The following PNPLA3 variants were observed in gnomAD, a reference collection of about 807,000 sequenced individuals.
PNPLA3 encodes the protein 1-acylglycerol-3-phosphate O-acyltransferase PNPLA3.
A neutral mutation model predicts 43.1 loss-of-function variants in PNPLA3; 42 were observed. The ratio of observed to expected loss-of-function variants is 0.97; its 90% confidence interval spans 0.76 to 1.26. The LOEUF is 1.26. Ranked by LOEUF, PNPLA3 falls within the 50% of genes most tolerant of loss-of-function variation. The pLI is 0.00. For missense variants in PNPLA3, 647 were observed against 621.4 expected, an observed-to-expected ratio of 1.04 and a Z score of -0.44; for synonymous variants, 272 against 253.6, an observed-to-expected ratio of 1.07 and a Z score of -0.69.
intron 7 of PNPLA3, among the ~76,000 whole-genome samples, chr22:43,941,352 G>A (rs981143446): frequency 2.7e-5 from 3 of 112,642 alleles, no homozygotes; most frequent in Middle Eastern, 9.1e-3. Flanking sequence ...GGGATGGGGG[G>A]TGGGGAGCAG....
In PNPLA3 at chr22:43,944,696, T is replaced by G. The variant is rs944454808; in HGVS notation, c.1118T>G (p.Val373Gly). ...ESAIAIVQRLVTWLPDMPDDV... is the reference protein window; with the variant it reads ...ESAIAIVQRLGTWLPDMPDDV... ...ACTTGGTCTCATCTCTGCAGACTGG[T>G]GACATGGCTTCCAGATATGCCCGAC... Residue 373 changes from valine (V) to glycine (G), a missense_variant, in exon 8 of 9, where the codon GTG (valine) becomes GGG (glycine). Val to Gly is a moderately radical substitution (Grantham distance 109). Coordinates refer to ENST00000216180, the MANE Select transcript of PNPLA3 (RefSeq NM_025225.3). 5.6e-6 allele frequency: 9 copies of G among 1,614,162 alleles called. No individual in the cohort carries two copies. Among genetic ancestry groups the G allele is most frequent in the Non-Finnish European group, 7.6e-6 (9 of 1,179,974 alleles).
At chr22:43,928,479 A>G (rs981163543) in intron 2 of PNPLA3, among the ~76,000 whole-genome samples, 15 of 152,038 alleles carry the variant, frequency 9.9e-5, no homozygotes, top group Non-Finnish European at 2.2e-4. Context: ...GATGCTAATG[A>G]ATACCGGCAT....
At chr22:43,924,156 G>A in intron 1 of PNPLA3, 58 bp downstream of exon 1, 1 of 1,400,186 alleles carries the variant, frequency 7.1e-7, no homozygotes, top group African/African-American at 1.5e-5. Context: ...CCTAGGCCGG[G>A]GAGCGGGGGA....
At chr22:43,937,538 G>T (rs1034432162) in intron 6 of PNPLA3, among the ~76,000 whole-genome samples, 1 of 152,158 alleles carries the variant, frequency 6.6e-6, no homozygotes, top group Admixed American at 6.5e-5. Context: ...GCCCCTTGGG[G>T]TTCCCCATAT....
rs755622820 is a variant in PNPLA3, at chr22:43,939,981, T to G, written c.980-12T>G. On this transcript the variant is annotated splice_polypyrimidine_tract_variant and intron_variant, in intron 6 of 8. Transcript: ENST00000216180. ...GTGGTGGGAGATAATAGCTCCAAAT[T>G]GTCTTTTTCAGCACTGAGTGAAGAA... The G allele has an allele frequency of 8.7e-6, 14 of 1,613,998 alleles. No homozygotes were observed. The highest frequency in any genetic ancestry group is 4.0e-5 in the African/African-American group (3 of 74,906).
rs574784517 is a variant in PNPLA3 at position 43,924,144 on chromosome 22, C to T, written c.187+46C>T. 78 of 1,435,734 alleles carry T rather than the reference C, an allele frequency of 5.4e-5. No individual in the cohort carries two copies. The African/African-American group carries it at 1.1e-3, about 20-fold the overall frequency. 88.9% of individuals were successfully genotyped at this position (1,435,734 alleles called of 1,614,324 possible). A position where few individuals can be genotyped will look rare whatever the true frequency, so the allele number is the denominator to read the frequency against. Reference sequence around the variant, plus strand: ...CGGGCTCCACGTGCGGAGTGGGTGCCCCCTAGGCCGGGGAGCGGGGGATCC... The same window carrying T: ...CGGGCTCCACGTGCGGAGTGGGTGCTCCCTAGGCCGGGGAGCGGGGGATCC... On this transcript the variant is annotated intron_variant, in intron 1 of 8. Coordinates refer to ENST00000216180, the MANE Select transcript of PNPLA3 (RefSeq NM_025225.3).
intron 7 of PNPLA3, among the ~76,000 whole-genome samples, chr22:43,942,080 G>A (rs945127490): frequency 2.0e-5 from 3 of 152,172 alleles, no homozygotes; most frequent in African/African-American, 4.8e-5. Context: ...GCTTCTGAAA[G>A]GGAGGGAATG....
intron 8 of PNPLA3, 93 bp downstream of exon 8, chr22:43,944,888 A>C: frequency 8.8e-7 from 1 of 1,135,136 alleles, no homozygotes; most frequent in Admixed American, 1.8e-5. Flanking sequence ...CTGGCTGAAC[A>C]CCAAGCAAGG....
At chr22:43,943,851 C>T (rs545701708) in intron 7 of PNPLA3, among the ~76,000 whole-genome samples, 21 of 152,132 alleles carry the variant, frequency 1.4e-4, no homozygotes, top group African/African-American at 3.6e-4. Flanking sequence ...TGCAATGTCG[C>T]GATCTCAGCT....
chr22:43,945,459 C>G (rs1471288004), intron 8 of PNPLA3, among the ~76,000 whole-genome samples: 2 of 152,196 alleles, frequency 1.3e-5, no homozygotes, highest in Non-Finnish European at 2.9e-5. Context: ...CCTCACTTGG[C>G]TAACAGGGGT....
In PNPLA3 at chr22:43,940,036, G is replaced by A. The variant is rs1309324178; in HGVS notation, c.1023G>A (p.Lys341=). The A allele has an allele frequency of 2.5e-6, 4 of 1,614,022 alleles. No individual in the cohort carries two copies. The highest frequency in any genetic ancestry group is 2.2e-5 in the East Asian group (1 of 44,894). The part of the protein sequence containing the change: ...EMKDKGGYMS[K]ICNLLPIRIM... ...AAGACAAAGGTGGATACATGAGCAAGATTTGCAACTTGCTACCCATTAGGA... is the reference window on the plus strand; with the variant it reads ...AAGACAAAGGTGGATACATGAGCAAAATTTGCAACTTGCTACCCATTAGGA... The change falls in exon 7 of 9, where the codon AAG becomes AAA. Residue 341 remains lysine, a synonymous_variant. Transcript: ENST00000216180.
intron 3 of PNPLA3, among the ~76,000 whole-genome samples, 157 bp downstream of exon 3, chr22:43,929,046 G>T (rs2049944568): frequency 6.6e-6 from 1 of 152,154 alleles, no homozygotes. Flanking sequence ...GCCACAGCTG[G>T]CCCTATTTCC....
At chr22:43,931,502 C>A (rs2049961482) in intron 3 of PNPLA3, among the ~76,000 whole-genome samples, 1 of 152,112 alleles carries the variant, frequency 6.6e-6, no homozygotes, top group African/African-American at 2.4e-5. Context: ...TTCTGTGTCT[C>A]TTTATGCAGT....
At chr22:43,934,532 G>A (rs2049982567) in intron 4 of PNPLA3, 74 bp from the exon 5 acceptor site, 2 of 1,435,014 alleles carry the variant, frequency 1.4e-6, no homozygotes. Context: ...GCTCTCTGCG[G>A]TCTTCCAATG....
intron 3 of PNPLA3, among the ~76,000 whole-genome samples, chr22:43,930,960 C>T (rs1486385386): frequency 2.0e-5 from 3 of 152,114 alleles, no homozygotes; most frequent in African/African-American, 7.2e-5. Flanking sequence ...CTCATCTCTA[C>T]TAAACATACG....
rs750290579 is a variant in PNPLA3, at chr22:43,927,112, C to T, written c.365C>T (p.Ser122Phe). ...ATAGGCATCTCTCTTACCAGAGTGT[C>T]TGATGGGGAAAACGTTCTGGTGTCT... ...GKIGISLTRV[S>F]DGENVLVSDF... The change falls in exon 2 of 9, where the codon TCT (serine) becomes TTT (phenylalanine). Residue 122 changes from serine (S) to phenylalanine (F), a missense_variant. By Grantham distance (155) the Ser-to-Phe change is radical. Coordinates refer to ENST00000216180, the MANE Select transcript of PNPLA3 (RefSeq NM_025225.3). The T allele has an allele frequency of 7.4e-6, 12 of 1,614,132 alleles. No individual in the cohort carries two copies. The highest frequency in any genetic ancestry group is 8.5e-6 in the Non-Finnish European group (10 of 1,180,058).
chr22:43,936,740 G>T (rs1386635583), intron 5 of PNPLA3, among the ~76,000 whole-genome samples: 1 of 152,222 alleles, frequency 6.6e-6, no homozygotes, highest in Non-Finnish European at 1.5e-5. Context: ...GGCCTGGAAG[G>T]CAGGTGTAAC....
chr22:43,924,159 G>A, intron 1 of PNPLA3, 61 bp downstream of exon 1: 1 of 1,395,130 alleles, frequency 7.2e-7, no homozygotes, highest in Non-Finnish European at 9.3e-7. Flanking sequence ...AGGCCGGGGA[G>A]CGGGGGATCC....
rs1344310869 is a variant in PNPLA3, at chr22:43,946,736, A to T, written c.*354A>T. 3.8e-6 allele frequency: 2 copies of T among 520,208 alleles called. No individual in the cohort carries two copies. The highest frequency in any genetic ancestry group is 2.0e-5 in the Admixed American group (1 of 51,066). The allele number at this position is 520,208 out of a possible 1,614,324, so 32.2% of individuals were successfully genotyped here. A position where few individuals can be genotyped will look rare whatever the true frequency, so the allele number is the denominator to read the frequency against. ...TGTTTGGATGGGTGGGGGCCTTGTGATGGGGGGTAGGCTGGCCCATGTGTG... is the reference window on the plus strand; with the variant it reads ...TGTTTGGATGGGTGGGGGCCTTGTGTTGGGGGGTAGGCTGGCCCATGTGTG... On this transcript the variant is annotated 3_prime_UTR_variant, in exon 9 of 9. Coordinates refer to ENST00000216180, the MANE Select transcript of PNPLA3 (RefSeq NM_025225.3).
Sources: gnomAD v4.1 joint callset for allele counts (sites outside exome capture counted in the v4.1 genomes callset) on GRCh38, gnomAD v4.1.1 for gene constraint, MANE v1.5 for transcripts, NCBI Gene and HGNC (gene_info 2026-07-23, HGNC 2026-07-21) for gene names.